The following FHIT variants were observed in gnomAD, a reference collection of about 807,000 sequenced individuals.
FHIT encodes the protein bis(5'-adenosyl)-triphosphatase.
Under a neutral mutation model 17.9 loss-of-function variants are expected in FHIT, and 19 were observed. The observed-to-expected ratio is 1.06, with a 90% CI of 0.74 to 1.56. The LOEUF (loss-of-function observed/expected upper bound fraction) is 1.56, where lower values mean the gene tolerates loss of function less well. Ranked by LOEUF, FHIT falls within the 40% of genes most tolerant of loss-of-function variation. The probability of loss-of-function intolerance (pLI) is 0.00; values close to 1 mark genes in which losing one functional copy is unlikely to be tolerated. For missense variants in FHIT, 248 were observed against 189.2 expected (o/e 1.31, Z -1.82); for synonymous variants, 81 against 69.7 (o/e 1.16, Z -0.81).
At chr3:61,159,307 G>A (rs568147932) in intron 2 of FHIT, among the ~76,000 whole-genome samples, 8 of 152,256 alleles carry the variant, frequency 5.3e-5, no homozygotes, top group East Asian at 1.9e-4. Context: ...TTAGGTGTGC[G>A]TTTGATACAA....
At chr3:60,315,782 A>G (rs1466341878) in intron 5 of FHIT, among the ~76,000 whole-genome samples, 13 of 152,188 alleles carry the variant, frequency 8.5e-5, no homozygotes, top group African/African-American at 3.1e-4. Context: ...TGGTGGACAA[A>G]TGCACTCATT....
intron 1 of FHIT, among the ~76,000 whole-genome samples, chr3:61,243,024 G>A (rs2040408828): frequency 6.6e-6 from 1 of 152,140 alleles, no homozygotes; most frequent in South Asian, 2.1e-4. Flanking sequence ...AGGGGGTTTG[G>A]GAAAGGGTTG....
chr3:60,626,018 C>T (rs1447317701), intron 4 of FHIT, among the ~76,000 whole-genome samples: 1 of 152,164 alleles, frequency 6.6e-6, no homozygotes, highest in Non-Finnish European at 1.5e-5. Flanking sequence ...ATTGTCTTGG[C>T]AGCACTTTTG....
intron 5 of FHIT, among the ~76,000 whole-genome samples, chr3:60,431,492 C>T (rs1576642341): frequency 6.6e-6 from 1 of 152,062 alleles, no homozygotes; most frequent in African/African-American, 2.4e-5. Context: ...TCCCTCAAAA[C>T]TATCTCCCCA....
At chr3:60,946,564 T>C (rs1156877151) in intron 3 of FHIT, among the ~76,000 whole-genome samples, 4 of 152,056 alleles carry the variant, frequency 2.6e-5, no homozygotes, top group Non-Finnish European at 4.4e-5. Context: ...GTATTCTCTG[T>C]GGATGTTTTT....
chr3:60,835,907 A>T (rs1441051501), intron 3 of FHIT, among the ~76,000 whole-genome samples: 1 of 152,170 alleles, frequency 6.6e-6, no homozygotes, highest in South Asian at 2.1e-4. Context: ...CAGTCACTAC[A>T]CCCAGCCACT....
rs1442621417 is a variant in FHIT at position 60,399,658 on chromosome 3, T to C, written c.103+137202A>G. 2.6e-5 allele frequency among the ~76,000 whole-genome samples: 4 copies of C among 152,184 alleles called. No individual in the cohort carries two copies. The East Asian group carries it at 5.8e-4, about 22-fold the overall frequency. On this transcript the variant is annotated intron_variant, in intron 5 of 9. Coordinates refer to ENST00000492590, the MANE Select transcript of FHIT (RefSeq NM_002012.4). ...ATTACTTTTTCTAGGAAAATGATTA[T>C]TGGCTGACAATGAGGTGGTAATTTA...
intron 5 of FHIT, among the ~76,000 whole-genome samples, chr3:60,426,989 G>A (rs1037034686): frequency 6.6e-6 from 1 of 152,200 alleles, no homozygotes; most frequent in African/African-American, 2.4e-5. Flanking sequence ...ACAAAGGTAA[G>A]GGGATTTCTC....
chr3:60,732,414 C>T (rs964647527), intron 4 of FHIT: 14 of 750,748 alleles, frequency 1.9e-5, no homozygotes, highest in East Asian at 1.3e-4. Flanking sequence ...GATGGACTTG[C>T]CACCAGTGCC....
chr3:60,786,501 AT>A (rs1553727003), intron 4 of FHIT, among the ~76,000 whole-genome samples: 2 of 152,152 alleles, frequency 1.3e-5, no homozygotes, highest in African/African-American at 4.8e-5. Context: ...CAAATAAGTT[AT>A]TTCACCCTAC....
intron 5 of FHIT, among the ~76,000 whole-genome samples, chr3:60,239,834 G>A (rs569151278): frequency 6.6e-5 from 10 of 152,242 alleles, no homozygotes; most frequent in African/African-American, 2.2e-4. Context: ...TTAGACCCAA[G>A]AAGGGAAGTC....
intron 7 of FHIT, 82 bp from the exon 8 acceptor site, chr3:59,922,496 C>G: frequency 8.8e-7 from 1 of 1,138,938 alleles, no homozygotes. Context: ...TCATGAAGCC[C>G]AATTACTCCA....
intron 8 of FHIT, among the ~76,000 whole-genome samples, chr3:59,763,386 C>G (rs149142093): frequency 2.0e-5 from 3 of 152,312 alleles, no homozygotes; most frequent in African/African-American, 7.2e-5. Context: ...CAGAATCCTT[C>G]TCAACACAAC....
At chr3:59,899,066 C>T (rs1345797197) in intron 8 of FHIT, among the ~76,000 whole-genome samples, 1 of 152,158 alleles carries the variant, frequency 6.6e-6, no homozygotes, top group African/African-American at 2.4e-5. Flanking sequence ...GGCGACATCC[C>T]TCTTCACTCC....
intron 2 of FHIT, among the ~76,000 whole-genome samples, chr3:61,089,922 G>A (rs1017205381): frequency 9.2e-5 from 14 of 152,068 alleles, no homozygotes; most frequent in African/African-American, 2.9e-4. Context: ...TATTCCCTTC[G>A]CAGAAATCTT....
rs201555469 is a variant in FHIT, at chr3:60,955,597, CATATATATAT to C, written c.-111+86440_-111+86449del. On this transcript the variant is annotated intron_variant, in intron 3 of 9. Transcript: ENST00000492590. ...ATGTATCTGCTTAGGCATATATATA[CATATATATAT>C]ATATATATATATATATATATATATA... 4.8e-4 allele frequency among the ~76,000 whole-genome samples: 37 copies of C among 77,710 alleles called. 1 individual carries two copies. The highest frequency in any genetic ancestry group is 1.7e-3 in the African/African-American group (28 of 16,674). 51.0% of individuals were successfully genotyped at this position (77,710 alleles called of 152,430 possible).
chr3:60,361,186 T>C (rs554492458), intron 5 of FHIT, among the ~76,000 whole-genome samples: 1 of 152,272 alleles, frequency 6.6e-6, no homozygotes, highest in East Asian at 1.9e-4. Context: ...AGTCATGCCT[T>C]TGAAAGTCCA....
intron 5 of FHIT, among the ~76,000 whole-genome samples, chr3:60,116,270 T>G (rs1397386480): frequency 6.6e-6 from 1 of 152,162 alleles, no homozygotes; most frequent in African/African-American, 2.4e-5. Context: ...ATGAGAATTA[T>G]ATTGTAGTTG....
intron 2 of FHIT, among the ~76,000 whole-genome samples, chr3:61,050,694 T>C (rs11130810): frequency 0.13 from 20,212 of 152,198 alleles, 1,419 homozygotes; most frequent in South Asian, 0.18. Flanking sequence ...TGGCAAGATA[T>C]TGATAATTAT....
Sources: gnomAD v4.1 joint callset for allele counts (sites outside exome capture counted in the v4.1 genomes callset) on GRCh38, gnomAD v4.1.1 for gene constraint, MANE v1.5 for transcripts, NCBI Gene and HGNC (gene_info 2026-07-23, HGNC 2026-07-21) for gene names.